Variants in COLEC10 observed in about 807,000 individuals in gnomAD.
The protein encoded by COLEC10 is collectin-10.
COLEC10 carries 22 observed loss-of-function variants against 28.4 expected under a neutral mutation model. That is an observed-to-expected ratio of 0.78 (90% CI 0.55 to 1.11). COLEC10 has a LOEUF of 1.11. Ranked by LOEUF, COLEC10 falls within the 50% of genes least tolerant of loss-of-function variation. The pLI, the probability that COLEC10 is intolerant of heterozygous loss-of-function variation, is 0.00. For missense variants in COLEC10, 361 were observed against 344.1 expected, an observed-to-expected ratio of 1.05 and a Z score of -0.39; for synonymous variants, 125 against 116.1, an observed-to-expected ratio of 1.08 and a Z score of -0.49.
chr8:119,039,077 A>G (rs978903579), intron 2 of COLEC10, among the ~76,000 whole-genome samples: 1 of 152,094 alleles, frequency 6.6e-6, no homozygotes, highest in African/African-American at 2.4e-5. Context: ...CCCCCTGCTC[A>G]CATTCAACAG....
the COLEC10 span, among the ~76,000 whole-genome samples, chr8:118,963,328 T>C: frequency 6.6e-6 from 1 of 152,240 alleles, no homozygotes; most frequent in African/African-American, 2.4e-5. Context: ...GGTTAGGATA[T>C]ATCTGCCACT....
intron 2 of COLEC10, among the ~76,000 whole-genome samples, chr8:119,022,843 C>G (rs886374525): frequency 1.3e-5 from 2 of 152,056 alleles, no homozygotes; most frequent in Non-Finnish European, 2.9e-5. Flanking sequence ...AAAGTAAATG[C>G]CAAGATCTTG....
the COLEC10 span, among the ~76,000 whole-genome samples, chr8:118,963,152 AG>A: frequency 6.6e-6 from 1 of 152,204 alleles, no homozygotes; most frequent in Non-Finnish European, 1.5e-5. Context: ...AATCAGCTAA[AG>A]TTCAGTTCAG....
chr8:119,070,626 T>A (rs1008492323), intron 1 of COLEC10, among the ~76,000 whole-genome samples: 2 of 145,886 alleles, frequency 1.4e-5, no homozygotes, highest in African/African-American at 5.0e-5. Context: ...TTTTTCTCCC[T>A]CTTCCCCCAT....
chr8:119,000,665 G>A (rs1813679070), intron 1 of COLEC10, among the ~76,000 whole-genome samples: 1 of 152,160 alleles, frequency 6.6e-6, no homozygotes. Flanking sequence ...AAAAGGGAAT[G>A]GAGGTCAGGA....
intron 2 of COLEC10, among the ~76,000 whole-genome samples, chr8:119,025,289 G>A (rs748753319): frequency 5.9e-5 from 9 of 152,282 alleles, no homozygotes; most frequent in East Asian, 3.9e-4. Context: ...TAGACTTACC[G>A]CAGAGATTAT....
the COLEC10 span, among the ~76,000 whole-genome samples, chr8:118,981,678 A>G: frequency 6.6e-6 from 1 of 152,136 alleles, no homozygotes; most frequent in Non-Finnish European, 1.5e-5. Flanking sequence ...GTTACTTTAT[A>G]TATCCAAAGA....
intron 2 of COLEC10, among the ~76,000 whole-genome samples, chr8:119,014,092 G>C (rs1043932527): frequency 2.7e-5 from 4 of 150,476 alleles, no homozygotes; most frequent in Non-Finnish European, 5.9e-5. Flanking sequence ...CTGCATGACT[G>C]TTATCCATAA....
chr8:118,976,705 T>C, the COLEC10 span: 2 of 152,088 alleles, frequency 1.3e-5, no homozygotes, highest in Non-Finnish European at 2.9e-5. Flanking sequence ...ACTTCATGTC[T>C]AAAACACCAA....
chr8:118,989,710 G>A, the COLEC10 span, among the ~76,000 whole-genome samples: 34 of 151,276 alleles, frequency 2.2e-4, no homozygotes, highest in Non-Finnish European at 2.5e-4. Context: ...AAGGATGAAG[G>A]CAACTAAAAA....
intron 3 of COLEC10, among the ~76,000 whole-genome samples, chr8:119,092,966 G>C (rs1281149670): frequency 6.6e-6 from 1 of 152,132 alleles, no homozygotes; most frequent in Non-Finnish European, 1.5e-5. Flanking sequence ...TCATGTTGGA[G>C]AGTAAGCAGC....
intron 2 of COLEC10, among the ~76,000 whole-genome samples, chr8:119,048,368 T>C (rs1814619533): frequency 6.6e-6 from 1 of 152,246 alleles, no homozygotes; most frequent in South Asian, 2.1e-4. Flanking sequence ...TTCATTCCAG[T>C]TGGTCAAGTG....
the COLEC10 span, among the ~76,000 whole-genome samples, chr8:118,958,304 T>C: frequency 6.6e-6 from 1 of 152,342 alleles, no homozygotes; most frequent in South Asian, 2.1e-4. Flanking sequence ...GAAGTCATCC[T>C]TTTGGTTTGG....
At chr8:119,043,581 A>G (rs1373367255) in intron 2 of COLEC10, among the ~76,000 whole-genome samples, 1 of 152,250 alleles carries the variant, frequency 6.6e-6, no homozygotes, top group Non-Finnish European at 1.5e-5. Context: ...GTGACTTTCA[A>G]TATACATAAA....
chr8:119,083,055 T>C (rs1462818672), intron 1 of COLEC10, among the ~76,000 whole-genome samples: 3 of 152,128 alleles, frequency 2.0e-5, no homozygotes, highest in Admixed American at 6.6e-5. Flanking sequence ...GAAACTTGTG[T>C]TTGCAAGTGA....
At chr8:119,092,540 T>C (rs1269860656) in intron 3 of COLEC10, among the ~76,000 whole-genome samples, 3 of 152,162 alleles carry the variant, frequency 2.0e-5, no homozygotes, top group Non-Finnish European at 4.4e-5. Context: ...TACTTAGAGA[T>C]ACAAAACTGA....
intron 1 of COLEC10, among the ~76,000 whole-genome samples, chr8:119,083,363 A>G (rs190661684): frequency 2.1e-4 from 32 of 152,318 alleles, no homozygotes; most frequent in African/African-American, 6.5e-4. Context: ...AAAATCCTCA[A>G]AATGAGACTT....
At chr8:119,053,211 T>C (rs984939551) in intron 2 of COLEC10, among the ~76,000 whole-genome samples, 1 of 152,102 alleles carries the variant, frequency 6.6e-6, no homozygotes, top group East Asian at 1.9e-4. Context: ...GGGACTATGT[T>C]CTATCTGTGG....
chr8:119,051,250 A>C (rs895932285), intron 2 of COLEC10, among the ~76,000 whole-genome samples: 5 of 152,210 alleles, frequency 3.3e-5, no homozygotes, highest in Non-Finnish European at 5.9e-5. Flanking sequence ...TTCCTAGATT[A>C]CTGTTTCATG....
Sources: gnomAD v4.1 joint callset for allele counts (sites outside exome capture counted in the v4.1 genomes callset) on GRCh38, gnomAD v4.1.1 for gene constraint, MANE v1.5 for transcripts, NCBI Gene and HGNC (gene_info 2026-07-23, HGNC 2026-07-21) for gene names.